Variants in NMNAT3 observed in about 807,000 individuals in gnomAD.
NMNAT3 encodes the protein nicotinamide/nicotinic acid mononucleotide adenylyltransferase 3.
NMNAT3 carries 21 observed loss-of-function variants against 24.8 expected under a neutral mutation model. That is an observed-to-expected ratio of 0.85 (90% CI 0.60 to 1.22). The LOEUF (loss-of-function observed/expected upper bound fraction) is 1.22. Among genes scored for constraint, NMNAT3 ranks in the 50% most tolerant of loss-of-function variants. The pLI, the probability that NMNAT3 is intolerant of heterozygous loss-of-function variation, is 0.00. For missense variants in NMNAT3, 387 were observed against 436.6 expected, an observed-to-expected ratio of 0.89 and a Z score of 1.01; for synonymous variants, 136 against 155.2, an observed-to-expected ratio of 0.88 and a Z score of 0.92.
At position 139,586,954 on chromosome 3, in the gene NMNAT3, ACCC is replaced by A; in HGVS notation, c.110-3749_110-3747del. 1.3e-5 allele frequency among the ~76,000 whole-genome samples: 2 copies of A among 152,194 alleles called. 1 individual carries two copies. Among genetic ancestry groups the A allele is most frequent in the Non-Finnish European group, 2.9e-5 (2 of 68,038 alleles). ...TTAGGCCTGCTCCCTATACTCTCAT[ACCC>A]TGCAGAGATAAACCTAATTTGTATT... is the stretch of plus-strand genomic sequence containing the variant. On this transcript the variant is annotated intron_variant, in intron 3 of 6. Transcript: ENST00000643695.
intron 1 of NMNAT3, among the ~76,000 whole-genome samples, chr3:139,638,607 C>T (rs1325081031): frequency 6.6e-6 from 1 of 152,222 alleles, no homozygotes; most frequent in Non-Finnish European, 1.5e-5. Context: ...TCAGTCCCAC[C>T]TCTGTAATAT....
intron 6 of NMNAT3, chr3:139,567,035 T>C (rs1305817202): frequency 6.6e-6 from 1 of 151,630 alleles, no homozygotes; most frequent in African/African-American, 2.4e-5. Context: ...CTCTTTTATT[T>C]CATTGAGCAG....
intron 3 of NMNAT3, among the ~76,000 whole-genome samples, chr3:139,602,820 T>C (rs74395923): frequency 0.037 from 5,656 of 152,330 alleles, 342 homozygotes; most frequent in African/African-American, 0.12. Context: ...AATTTCATTT[T>C]TGAGGTTTGT....
At chr3:139,610,581 A>C (rs913129447) in intron 3 of NMNAT3, among the ~76,000 whole-genome samples, 6 of 152,364 alleles carry the variant, frequency 3.9e-5, no homozygotes, top group African/African-American at 1.4e-4. Context: ...TTTTCCATGA[A>C]TATATATTAA....
intron 1 of NMNAT3, among the ~76,000 whole-genome samples, chr3:139,664,333 A>C (rs576873639): frequency 1.5e-4 from 23 of 152,316 alleles, no homozygotes; most frequent in African/African-American, 5.3e-4. Flanking sequence ...CAAAACTGCT[A>C]GACTACGATT....
chr3:139,588,160 C>T (rs534326500), intron 3 of NMNAT3, among the ~76,000 whole-genome samples: 1 of 152,182 alleles, frequency 6.6e-6, no homozygotes. Flanking sequence ...CAGGCCCTCC[C>T]CCACTAGATG....
chr3:139,575,443 A>G (rs1939154299), intron 5 of NMNAT3: 1 of 233,178 alleles, frequency 4.3e-6, no homozygotes, highest in Non-Finnish European at 7.0e-6. Flanking sequence ...CCCTTTCTGA[A>G]TCTCCATGTC....
intron 1 of NMNAT3, among the ~76,000 whole-genome samples, chr3:139,662,782 C>A (rs1388151059): frequency 6.6e-6 from 1 of 152,182 alleles, no homozygotes; most frequent in African/African-American, 2.4e-5. Context: ...CACAGAGGCA[C>A]AGACTTTGGT....
chr3:139,624,190 C>T (rs555995430), intron 3 of NMNAT3, among the ~76,000 whole-genome samples: 29 of 152,104 alleles, frequency 1.9e-4, no homozygotes, highest in Non-Finnish European at 3.4e-4. Flanking sequence ...TATAATATTT[C>T]GTGCTATAAA....
intron 5 of NMNAT3, chr3:139,576,266 G>C: frequency 1.0e-6 from 1 of 980,834 alleles, no homozygotes; most frequent in Non-Finnish European, 1.2e-6. Context: ...GATAATTTTC[G>C]GAAAGTGTTA....
At chr3:139,579,809 G>A in intron 4 of NMNAT3, among the ~76,000 whole-genome samples, 1 of 152,136 alleles carries the variant, frequency 6.6e-6, no homozygotes, top group Non-Finnish European at 1.5e-5. Context: ...GTTATTCCTA[G>A]TTTAAGAGTG....
intron 3 of NMNAT3, among the ~76,000 whole-genome samples, chr3:139,593,217 CAAAG>C (rs2054282155): frequency 6.6e-6 from 1 of 152,122 alleles, no homozygotes; most frequent in African/African-American, 2.4e-5. Flanking sequence ...TCAAAAGAGA[CAAAG>C]AAGGCCATTA....
intron 6 of NMNAT3, chr3:139,572,217 A>G (rs1938495652): frequency 5.0e-6 from 2 of 398,550 alleles, no homozygotes; most frequent in Non-Finnish European, 8.8e-6. Context: ...GTGTCTGTAG[A>G]ATCCTTTTAA....
Position 139,580,425 on chromosome 3 carries a change from A to G in NMNAT3, c.392-1370T>C, listed in dbSNP as rs527900235. Among the ~76,000 whole-genome samples, 268 of 152,270 alleles carry G rather than the reference A, an allele frequency of 1.8e-3. 1 individual carries two copies. Among genetic ancestry groups the G allele is most frequent in the African/African-American group, 4.2e-3 (176 of 41,556 alleles). The stretch of plus-strand genomic sequence containing the variant: ...GCCATGAGCCACCGTGCCCAGCCTG[A>G]AATAACATTTTTTTCTGAGTGTTTT... On this transcript the variant is annotated intron_variant, in intron 4 of 6. Transcript: ENST00000643695.
intron 3 of NMNAT3, among the ~76,000 whole-genome samples, chr3:139,598,832 A>G (rs1255641581): frequency 6.6e-6 from 1 of 152,170 alleles, no homozygotes; most frequent in East Asian, 1.9e-4. Flanking sequence ...ATTCAAACCC[A>G]GGTTTGCCCA....
chr3:139,593,655 T>G (rs549484288), intron 3 of NMNAT3, among the ~76,000 whole-genome samples: 2,590 of 150,020 alleles, frequency 0.017, 72 homozygotes, highest in African/African-American at 0.06. Flanking sequence ...GGATTAAGAA[T>G]CTCACTCAAA....
chr3:139,581,626 T>G (rs1226663426), intron 4 of NMNAT3, among the ~76,000 whole-genome samples: 1 of 152,192 alleles, frequency 6.6e-6, no homozygotes, highest in Non-Finnish European at 1.5e-5. Flanking sequence ...TGATTCAATT[T>G]ATATAATATT....
chr3:139,566,110 C>A (rs1937151152), intron 6 of NMNAT3: 1 of 152,006 alleles, frequency 6.6e-6, no homozygotes, highest in South Asian at 2.1e-4. Context: ...CTCTGATGGC[C>A]AGTGATGATG....
At chr3:139,613,758 A>G (rs1370230189) in intron 3 of NMNAT3, among the ~76,000 whole-genome samples, 71 of 152,246 alleles carry the variant, frequency 4.7e-4, no homozygotes, top group African/African-American at 1.5e-3. Context: ...ATGATAGACT[A>G]GATTAAGAAA....
Sources: gnomAD v4.1 joint callset for allele counts (sites outside exome capture counted in the v4.1 genomes callset) on GRCh38, gnomAD v4.1.1 for gene constraint, MANE v1.5 for transcripts, NCBI Gene and HGNC (gene_info 2026-07-23, HGNC 2026-07-21) for gene names.